PCDHGA11: variants seen among roughly 807,000 people sequenced by gnomAD.
The protein encoded by PCDHGA11 is protocadherin gamma-A11.
A neutral mutation model predicts 60.4 loss-of-function variants in PCDHGA11; 39 were observed. The ratio of observed to expected loss-of-function variants is 0.65; its 90% CI spans 0.50 to 0.84. The LOEUF (loss-of-function observed/expected upper bound fraction) is 0.84. Ranked by LOEUF, PCDHGA11 falls within the 40% of genes least tolerant of loss-of-function variation. The probability of loss-of-function intolerance (pLI) is 0.00; values close to 1 mark genes in which losing one functional copy is unlikely to be tolerated. For synonymous variants in PCDHGA11, 533 were observed against 510.3 expected, an observed-to-expected ratio of 1.04 and a Z score of -0.60; for missense variants, 1,165 against 1,197.7, an observed-to-expected ratio of 0.97 and a Z score of 0.40.
In PCDHGA11 at chr5:141,490,751, C is replaced by T. The variant is rs2099703884; in HGVS notation, c.2434-4056C>T. 6.2e-6 allele frequency: 10 copies of T among 1,614,092 alleles called. No individual in the cohort carries two copies. The highest frequency in any genetic ancestry group is 1.7e-5 in the Admixed American group (1 of 60,012). ...AATCAGGTTCAGGGAGCCCCAGCCT[C>T]CTCCTTTGTGTATGTCAACCCAGAG... On this transcript the variant is annotated intron_variant, in intron 1 of 3. Coordinates refer to ENST00000398587, the MANE Select transcript of PCDHGA11 (RefSeq NM_018914.3). This position sits in a 1 kb window ranked among gnomAD's most constrained non-coding sequence, Gnocchi z 5.4.
chr5:141,439,065 C>T (rs571768018), intron 1 of PCDHGA11, among the ~76,000 whole-genome samples: 13 of 151,628 alleles, frequency 8.6e-5, no homozygotes, highest in East Asian at 7.9e-4. Flanking sequence ...GTGTGGCAGG[C>T]GCCTGTAATC....
rs1258752203 is a variant in PCDHGA11, at chr5:141,431,160, G to C, written c.2433+7500G>C. On this transcript the variant is annotated intron_variant, in intron 1 of 3. Coordinates refer to ENST00000398587, the MANE Select transcript of PCDHGA11 (RefSeq NM_018914.3). The surrounding 1 kb of genome is among the most constrained non-coding windows in gnomAD (Gnocchi z 4.8). ...ATTAACGACAATGCGCCTTACTTTC[G>C]TGAAAGTGAATTAGAAATAAAAATT... is the stretch of plus-strand genomic sequence containing the variant. The C allele has an allele frequency of 6.2e-7, 1 of 1,614,198 alleles. No homozygotes were observed. Among genetic ancestry groups the C allele is most frequent in the South Asian group, 1.1e-5 (1 of 91,084 alleles).
At chr5:141,456,599 A>T (rs2098870253) in intron 1 of PCDHGA11, among the ~76,000 whole-genome samples, 1 of 152,174 alleles carries the variant, frequency 6.6e-6, no homozygotes, top group African/African-American at 2.4e-5. Flanking sequence ...TTTTGATTTG[A>T]TTTTTAAGTC....
chr5:141,459,044 A>T (rs2098959649), intron 1 of PCDHGA11, among the ~76,000 whole-genome samples: 1 of 152,204 alleles, frequency 6.6e-6, no homozygotes, highest in Non-Finnish European at 1.5e-5. Flanking sequence ...TACCAGCTAT[A>T]TTGAAGTATA....
rs370284141 is a variant in PCDHGA11, at chr5:141,421,654, G to A, written c.427G>A (p.Val143Ile). Residue 143 changes from valine to isoleucine, a missense_variant, in exon 1 of 4, where the codon GTC (valine) becomes ATC (isoleucine). Coordinates refer to ENST00000398587, the MANE Select transcript of PCDHGA11 (RefSeq NM_018914.3). ...CCAGGAGGACGAAGTGGAGATAAAA[G>A]TCAGTGAGCACGCAATTCCTGGGGC... Reference protein sequence around the residue: ...SFQEDEVEIKVSEHAIPGARF... With the variant: ...SFQEDEVEIKISEHAIPGARF... The A allele has an allele frequency of 3.5e-5, 57 of 1,613,746 alleles. No individual in the cohort carries two copies. Among genetic ancestry groups the A allele is most frequent in the Admixed American group, 5.0e-5 (3 of 59,974 alleles).
chr5:141,463,438 CTTTTTTTTTT>C (rs71576115), intron 1 of PCDHGA11, among the ~76,000 whole-genome samples: 6 of 103,254 alleles, frequency 5.8e-5, no homozygotes, highest in Non-Finnish European at 9.4e-5. Flanking sequence ...TTTCCTTCTC[CTTTTTTTTTT>C]TTTTTTTTTT....
rs1163950013 is a variant in PCDHGA11 at position 141,512,955 on chromosome 5, A to G, written c.*1782A>G. 2 of 152,234 alleles carry G rather than the reference A, an allele frequency of 1.3e-5. No homozygotes were observed. The highest frequency in any genetic ancestry group is 2.9e-5 in the Non-Finnish European group (2 of 68,046). The allele number at this position is 152,234 out of a possible 1,614,324, so 9.4% of individuals were successfully genotyped here. ...GCTTTTTTTCTTCGACAAAAAAATA[A>G]TAAAACGTTTCTTCTGAAAAGCTGA... On this transcript the variant is annotated 3_prime_UTR_variant, in exon 4 of 4. Coordinates refer to ENST00000398587, the MANE Select transcript of PCDHGA11 (RefSeq NM_018914.3).
At chr5:141,429,559 A>G (rs2097222911) in intron 1 of PCDHGA11, among the ~76,000 whole-genome samples, 2 of 152,146 alleles carry the variant, frequency 1.3e-5, no homozygotes, top group Admixed American at 6.5e-5. Context: ...TGATTTGATA[A>G]TATTCAGTTA....
Position 141,491,162 on chromosome 5 carries a change from C to T in PCDHGA11, c.2434-3645C>T. 6.2e-7 allele frequency: 1 copy of T among 1,614,112 alleles called. No homozygotes were observed. Among genetic ancestry groups the T allele is most frequent in the Non-Finnish European group, 8.5e-7 (1 of 1,179,952 alleles). On this transcript the variant is annotated intron_variant, in intron 1 of 3. Coordinates refer to ENST00000398587, the MANE Select transcript of PCDHGA11 (RefSeq NM_018914.3). This position sits in a 1 kb window ranked among gnomAD's most constrained non-coding sequence, Gnocchi z 6.9. ...GCCTTACTGGAGGATGACTCTGACA[C>T]CCAGCAGGTGGTGGTCCTGGTGAGG...
At chr5:141,450,549 C>T (rs1414500813) in intron 1 of PCDHGA11, among the ~76,000 whole-genome samples, 2 of 151,756 alleles carry the variant, frequency 1.3e-5, no homozygotes, top group Non-Finnish European at 2.9e-5. Context: ...TGCAGTGGCG[C>T]AGTCTCGGCT....
intron 2 of PCDHGA11, among the ~76,000 whole-genome samples, chr5:141,499,496 T>C (rs1167360015): frequency 6.6e-6 from 1 of 152,182 alleles, no homozygotes; most frequent in East Asian, 1.9e-4. Flanking sequence ...CAGTTTAATA[T>C]GAAACATTTC....
At position 141,477,160 on chromosome 5, in the gene PCDHGA11, C is replaced by G. The variant is rs768436526; in HGVS notation, c.2434-17647C>G. 2 of 1,614,186 alleles carry G rather than the reference C, an allele frequency of 1.2e-6. No homozygotes were observed. Among genetic ancestry groups the G allele is most frequent in the Admixed American group, 1.7e-5 (1 of 60,020 alleles). On this transcript the variant is annotated intron_variant, in intron 1 of 3. Transcript: ENST00000398587. The surrounding 1 kb of genome is among the most constrained non-coding windows in gnomAD (Gnocchi z 4.9). ...TGGAGGTTGTGGATGTGAATGACAA[C>G]GCCCCGGAGATCACAGTCACCTCCG...
At chr5:141,446,942 G>C (rs1252429052) in intron 1 of PCDHGA11, among the ~76,000 whole-genome samples, 1 of 152,058 alleles carries the variant, frequency 6.6e-6, no homozygotes, top group Non-Finnish European at 1.5e-5. Flanking sequence ...TTCACTGTAA[G>C]AAACATCCAG....
chr5:141,430,754 A>G (rs778266116), intron 1 of PCDHGA11: 26 of 1,503,884 alleles, frequency 1.7e-5, no homozygotes, highest in East Asian at 4.6e-5. Flanking sequence ...CTGGAGGAAG[A>G]TAAGAATGAT....
rs1374646530 is a variant in PCDHGA11, at chr5:141,431,339, T to C, written c.2433+7679T>C. ...AGCCGACGGTAGTAAGTACCCCGAA[T>C]TGGTGCTGAAACGCGCCCTGGACCG... On this transcript the variant is annotated intron_variant, in intron 1 of 3. Coordinates refer to ENST00000398587, the MANE Select transcript of PCDHGA11 (RefSeq NM_018914.3). This position sits in a 1 kb window ranked among gnomAD's most constrained non-coding sequence, Gnocchi z 4.8. 1 of 1,614,060 alleles carries C rather than the reference T, an allele frequency of 6.2e-7. No individual in the cohort carries two copies. The highest frequency in any genetic ancestry group is 8.5e-7 in the Non-Finnish European group (1 of 1,180,024).
In PCDHGA11 at chr5:141,505,438, T is replaced by C. The variant is rs149352680; in HGVS notation, c.2538T>C (p.Phe846=). The C allele has an allele frequency of 6.8e-6, 11 of 1,614,046 alleles. No homozygotes were observed. The African/African-American group carries it at 1.5e-4, about 22-fold the overall frequency. The stretch of plus-strand genomic sequence containing the variant: ...CCGGCACCTGGCCCAACAACCAGTT[T>C]GACACAGAGATGCTGCAAGCCATGA... ...DDTGTWPNNQ[F]DTEMLQAMIL... Residue 846 remains phenylalanine, a synonymous_variant, in exon 3 of 4, where the codon TTT becomes TTC. Transcript: ENST00000398587.
chr5:141,422,433 T>C lies in PCDHGA11; in HGVS notation c.1206T>C (p.Tyr402=). The change falls in exon 1 of 4, where the codon TAT becomes TAC. Residue 402 remains tyrosine, a synonymous_variant. Transcript: ENST00000398587. ...PFKLEKTYGN[Y]YKLITSRVLD... ...AATTAGAAAAGACTTATGGAAATTA[T>C]TACAAATTGATAACAAGCAGAGTGC... 2 of 1,609,628 alleles carry C rather than the reference T, an allele frequency of 1.2e-6. No individual in the cohort carries two copies.
Position 141,491,507 on chromosome 5 carries a change from C to G in PCDHGA11, c.2434-3300C>G, listed in dbSNP as rs755899622. The stretch of plus-strand genomic sequence containing the variant: ...AACCTGCAGGTGAGCTCGGACGGCA[C>G]GCTCAAGTACATGGAGGTGACGCTG... On this transcript the variant is annotated intron_variant, in intron 1 of 3. Coordinates refer to ENST00000398587, the MANE Select transcript of PCDHGA11 (RefSeq NM_018914.3). This position sits in a 1 kb window ranked among gnomAD's most constrained non-coding sequence, Gnocchi z 6.9. 1.5e-5 allele frequency: 24 copies of G among 1,614,038 alleles called. No individual in the cohort carries two copies. The highest frequency in any genetic ancestry group is 2.0e-5 in the Non-Finnish European group (24 of 1,180,016).
chr5:141,482,529 G>GAAAAAAAA (rs1256461887), intron 1 of PCDHGA11, among the ~76,000 whole-genome samples: 1 of 56,042 alleles, frequency 1.8e-5, no homozygotes, highest in Admixed American at 1.9e-4. Context: ...AGACAGACAT[G>GAAAAAAAA]CAAAAAAAAA....
Sources: allele counts gnomAD v4.1 joint callset (sites outside exome capture counted in the v4.1 genomes callset), GRCh38; gene constraint gnomAD v4.1.1; non-coding constraint Gnocchi (gnomAD v3.1); transcripts MANE v1.5; gene names NCBI Gene and HGNC (gene_info 2026-07-23, HGNC 2026-07-21).